The following MAST4 variants were observed in gnomAD, a reference collection of about 807,000 sequenced individuals.
MAST4 encodes microtubule associated serine/threonine kinase family member 4.
Under a neutral mutation model 162.7 loss-of-function variants are expected in MAST4, and 89 were observed. The observed-to-expected ratio is 0.55, with a 90% confidence interval of 0.46 to 0.65. MAST4 has a LOEUF of 0.65. MAST4 is among the 30% of genes least tolerant of loss of function. The probability of loss-of-function intolerance (pLI) is 0.00; values close to 1 mark genes in which losing one functional copy is unlikely to be tolerated. For synonymous variants in MAST4, 1,479 were observed against 1,361.1 expected, an observed-to-expected ratio of 1.09 and a Z score of -1.91; for missense variants, 3,153 against 3,374.0, an observed-to-expected ratio of 0.93 and a Z score of 1.62.
At chr5:66,911,809 A>G (rs9686769) in intron 4 of MAST4, among the ~76,000 whole-genome samples, 4,997 of 152,312 alleles carry the variant, frequency 0.033, 150 homozygotes, top group African/African-American at 0.076. Flanking sequence ...TACATATTTC[A>G]TAGATGTTTA....
Position 67,118,612 on chromosome 5 carries a change from G to A in MAST4, c.1592-70G>A, listed in dbSNP as rs994020446. On this transcript the variant is annotated intron_variant, in intron 12 of 28. Coordinates refer to ENST00000403625, the MANE Select transcript of MAST4 (RefSeq NM_001164664.2). ...ATATGGGAGAAACTATTTTTCTTTT[G>A]TTTCAGCTTAGTATTCTTATCCAAT... The A allele has an allele frequency of 7.1e-5, 65 of 919,276 alleles. No homozygotes were observed. The Admixed American group carries it at 1.5e-3, about 22-fold the overall frequency. 56.9% of individuals were successfully genotyped at this position (919,276 alleles called of 1,614,324 possible). A position where few individuals can be genotyped will look rare whatever the true frequency, so the allele number is the denominator to read the frequency against.
At chr5:67,077,481 G>A (rs1761797470) in intron 5 of MAST4, among the ~76,000 whole-genome samples, 1 of 152,290 alleles carries the variant, frequency 6.6e-6, no homozygotes, top group South Asian at 2.1e-4. Context: ...CTCAGGTGAC[G>A]AATCACCTGG....
intron 4 of MAST4, among the ~76,000 whole-genome samples, chr5:67,007,438 C>A (rs773867440): frequency 2.8e-4 from 42 of 152,222 alleles, no homozygotes; most frequent in Non-Finnish European, 1.3e-4. Context: ...AGATATCTCT[C>A]ATTCCCAAAC....
intron 1 of MAST4, among the ~76,000 whole-genome samples, chr5:66,714,579 C>T (rs368312109): frequency 3.9e-5 from 6 of 152,310 alleles, no homozygotes; most frequent in African/African-American, 7.2e-5. Context: ...TCATACTTGG[C>T]GTTTCCTTCT....
At chr5:67,019,499 G>A (rs1019766324) in intron 4 of MAST4, among the ~76,000 whole-genome samples, 2 of 152,226 alleles carry the variant, frequency 1.3e-5, no homozygotes, top group African/African-American at 2.4e-5. Context: ...ATGTGAGCAG[G>A]CTTGCCAGAT....
intron 1 of MAST4, among the ~76,000 whole-genome samples, chr5:66,597,534 G>C (rs796424062): frequency 4.2e-5 from 6 of 142,506 alleles, no homozygotes; most frequent in African/African-American, 1.6e-4. Flanking sequence ...TCGCCCGCGG[G>C]TGGTTTTGGC....
At chr5:66,870,814 C>T (rs1204382403) in intron 3 of MAST4, 10 of 471,434 alleles carry the variant, frequency 2.1e-5, no homozygotes, top group Non-Finnish European at 4.0e-5. Flanking sequence ...CAACTCAGCC[C>T]GACATCGCCA....
In MAST4 at chr5:67,054,504, C is replaced by T; in HGVS notation, c.763+12C>T. The T allele has an allele frequency of 6.3e-7, 1 of 1,587,850 alleles. No individual in the cohort carries two copies. Among genetic ancestry groups the T allele is most frequent in the East Asian group, 2.3e-5 (1 of 44,124 alleles). ...CTCTGCTCATGCAGGTAATTGGTTA[C>T]CATTTCTTGAGTTTTGTTTTATTTC... On this transcript the variant is annotated intron_variant, in intron 5 of 28. Coordinates refer to ENST00000403625, the MANE Select transcript of MAST4 (RefSeq NM_001164664.2).
chr5:66,721,390 C>T (rs1751200803), intron 1 of MAST4, among the ~76,000 whole-genome samples: 1 of 151,348 alleles, frequency 6.6e-6, no homozygotes, highest in South Asian at 2.1e-4. Flanking sequence ...GGTCAATTCT[C>T]AGGCCTCATC....
At chr5:67,095,221 C>A (rs546885046) in intron 6 of MAST4, among the ~76,000 whole-genome samples, 1 of 152,300 alleles carries the variant, frequency 6.6e-6, no homozygotes, top group East Asian at 1.9e-4. Flanking sequence ...TTAGCCCCTT[C>A]CAAAGATCAT....
At chr5:66,695,240 C>A (rs1275138288) in intron 1 of MAST4, among the ~76,000 whole-genome samples, 1 of 152,128 alleles carries the variant, frequency 6.6e-6, no homozygotes, top group Non-Finnish European at 1.5e-5. Context: ...ATATGGCTAG[C>A]CAGTTTTCCC....
At chr5:66,938,505 T>C (rs1743007485) in intron 4 of MAST4, among the ~76,000 whole-genome samples, 1 of 152,180 alleles carries the variant, frequency 6.6e-6, no homozygotes, top group African/African-American at 2.4e-5. Flanking sequence ...GTAATGATTG[T>C]GTTCTATTCA....
chr5:66,622,528 G>C (rs544612766), intron 1 of MAST4, among the ~76,000 whole-genome samples: 3 of 151,846 alleles, frequency 2.0e-5, no homozygotes, highest in African/African-American at 7.2e-5. Context: ...CTTCTGTATG[G>C]ATAATAGATT....
chr5:66,906,494 C>G (rs531872163), intron 4 of MAST4, among the ~76,000 whole-genome samples: 20 of 152,144 alleles, frequency 1.3e-4, no homozygotes, highest in Admixed American at 4.6e-4. Context: ...AGTTTCAGGT[C>G]TGCTAGGAGG....
chr5:66,690,289 A>G (rs1257422421), intron 1 of MAST4, among the ~76,000 whole-genome samples: 3 of 152,196 alleles, frequency 2.0e-5, no homozygotes, highest in African/African-American at 7.2e-5. Flanking sequence ...TTGTCAGGGT[A>G]AGATATTCTG....
chr5:67,109,948 T>C, intron 10 of MAST4, 150 bp from the exon 11 acceptor site: 1 of 579,378 alleles, frequency 1.7e-6, no homozygotes, highest in Non-Finnish European at 3.1e-6. Context: ...TATATACAGA[T>C]AATGTCTGTT....
At chr5:66,917,692 A>C (rs1245125822) in intron 4 of MAST4, among the ~76,000 whole-genome samples, 1 of 151,694 alleles carries the variant, frequency 6.6e-6, no homozygotes, top group African/African-American at 2.4e-5. Context: ...TCCTTGTCAC[A>C]TATAAAGATG....
intron 3 of MAST4, among the ~76,000 whole-genome samples, chr5:66,799,694 C>T (rs1396922930): frequency 1.3e-5 from 2 of 152,182 alleles, no homozygotes; most frequent in Non-Finnish European, 2.9e-5. Flanking sequence ...GGATCATGCT[C>T]TGCTGTGGCC....
intron 3 of MAST4, among the ~76,000 whole-genome samples, chr5:66,868,407 GTGTGTATA>G (rs1205477030): frequency 6.6e-6 from 1 of 150,482 alleles, no homozygotes; most frequent in African/African-American, 2.5e-5. Context: ...ATATATATAT[GTGTGTATA>G]TGTGTATATA....
Sources: allele counts gnomAD v4.1 joint callset (sites outside exome capture counted in the v4.1 genomes callset), GRCh38; gene constraint gnomAD v4.1.1; transcripts MANE v1.5; gene names NCBI Gene and HGNC (gene_info 2026-07-23, HGNC 2026-07-21).